Variants in MSTO1 observed in about 807,000 individuals in gnomAD.
MSTO1 encodes the protein misato mitochondrial distribution and morphology regulator 1, also known as protein misato homolog 1.
MSTO1 carries 24 observed loss-of-function variants against 55.7 expected under a neutral mutation model. The observed-to-expected ratio is 0.43, with a 90% confidence interval of 0.31 to 0.61. MSTO1 has a LOEUF of 0.61. MSTO1 is among the 20% of genes least tolerant of loss of function. MSTO1 has a pLI of 0.09. For missense variants in MSTO1, 363 were observed against 625.7 expected, an observed-to-expected ratio of 0.58 and a Z score of 4.48; for synonymous variants, 162 against 252.8, an observed-to-expected ratio of 0.64 and a Z score of 3.41.
the MSTO1 span, chr1:155,590,703 G>C: frequency 1.3e-6 from 2 of 1,537,700 alleles, no homozygotes; most frequent in Non-Finnish European, 1.8e-6. Context: ...GTGACCCCCC[G>C]GAGGGGCAAG....
chr1:155,597,069 C>T, the MSTO1 span, among the ~76,000 whole-genome samples: 6 of 151,256 alleles, frequency 4.0e-5, no homozygotes, highest in South Asian at 2.1e-4. Flanking sequence ...ATTGCACTAC[C>T]GCACTCCAGC....
In MSTO1 at chr1:155,610,559, G is replaced by C; in HGVS notation, c.219G>C (p.Lys73Asn). The C allele has an allele frequency of 1.1e-6, 1 of 936,622 alleles. No homozygotes were observed. The highest frequency in any genetic ancestry group is 1.6e-6 in the Non-Finnish European group (1 of 641,236). The allele number at this position is 936,622 out of a possible 1,614,324, so 58.0% of individuals were successfully genotyped here. Residue 73 changes from lysine (K) to asparagine (N), a missense_variant and splice_region_variant, in exon 2 of 14, where the codon AAG (lysine) becomes AAC (asparagine). Coordinates refer to ENST00000245564, the MANE Select transcript of MSTO1 (RefSeq NM_018116.4). ...YTPRLILMDL[K>N]GSLSSLKEEG... ...CGCGACTCATCCTCATGGATCTGAAGGGTGAGGTGGTGGCAGAGTTAGCCG... is the reference window on the plus strand; with the variant it reads ...CGCGACTCATCCTCATGGATCTGAACGGTGAGGTGGTGGCAGAGTTAGCCG...
chr1:155,603,751 G>A, the MSTO1 span, among the ~76,000 whole-genome samples: 1 of 151,652 alleles, frequency 6.6e-6, no homozygotes, highest in Non-Finnish European at 1.5e-5. Flanking sequence ...CCAGCTACTA[G>A]GGAGGCTGAG....
chr1:155,609,480 C>A (rs113236463), upstream of MSTO1, among the ~76,000 whole-genome samples: 1 of 149,440 alleles, frequency 6.7e-6, no homozygotes, highest in African/African-American at 2.5e-5. Flanking sequence ...GATCTCTTGA[C>A]CTCGTGATCT....
At chr1:155,598,902 A>G in the MSTO1 span, 5 of 1,451,750 alleles carry the variant, frequency 3.4e-6, no homozygotes, top group Middle Eastern at 8.9e-4. Context: ...GGCTGATACT[A>G]CGTATTCCAG....
upstream of MSTO1, among the ~76,000 whole-genome samples, chr1:155,609,135 G>C (rs923583546): frequency 2.1e-5 from 3 of 141,246 alleles, no homozygotes; most frequent in African/African-American, 7.9e-5. Flanking sequence ...CCCTTGCCTT[G>C]TTTCTAAATA....
chr1:155,593,785 A>G, the MSTO1 span, among the ~76,000 whole-genome samples: 358 of 152,114 alleles, frequency 2.4e-3, 1 homozygote, highest in African/African-American at 8.2e-3. Context: ...TGGCTAACAC[A>G]GTGAAACCCT....
chr1:155,570,062 T>A, the MSTO1 span, among the ~76,000 whole-genome samples: 1 of 152,202 alleles, frequency 6.6e-6, no homozygotes. Flanking sequence ...TTTTCATTTT[T>A]ATGCATCTCC....
At chr1:155,579,857 A>G in the MSTO1 span, among the ~76,000 whole-genome samples, 1 of 152,064 alleles carries the variant, frequency 6.6e-6, no homozygotes, top group Admixed American at 6.5e-5. Context: ...CAGGCAGATC[A>G]CTTGAGGTTG....
the MSTO1 span, among the ~76,000 whole-genome samples, chr1:155,599,887 A>G: frequency 6.6e-6 from 1 of 152,372 alleles, no homozygotes; most frequent in South Asian, 2.1e-4. Context: ...TGCTTTACAA[A>G]GCAGTATTGC....
At chr1:155,604,701 C>G in the MSTO1 span, among the ~76,000 whole-genome samples, 1 of 151,696 alleles carries the variant, frequency 6.6e-6, no homozygotes, top group Non-Finnish European at 1.5e-5. Flanking sequence ...CATGGTGAAA[C>G]CTCATCTCTA....
chr1:155,567,368 G>C, the MSTO1 span, among the ~76,000 whole-genome samples: 4 of 143,954 alleles, frequency 2.8e-5, no homozygotes, highest in African/African-American at 1.0e-4. Flanking sequence ...CGGGAGTGCT[G>C]TGGCGCGATC....
At chr1:155,600,683 G>A in the MSTO1 span, among the ~76,000 whole-genome samples, 1,234 of 152,256 alleles carry the variant, frequency 8.1e-3, 8 homozygotes, top group Non-Finnish European at 0.011. Flanking sequence ...CAGTAGCTGG[G>A]ATTACAGGCA....
At chr1:155,582,693 C>T in the MSTO1 span, among the ~76,000 whole-genome samples, 47,260 of 151,716 alleles carry the variant, frequency 0.31, 7,841 homozygotes, top group East Asian at 0.72. Context: ...ACTCCTGACC[C>T]CGTGATCCAC....
the MSTO1 span, among the ~76,000 whole-genome samples, chr1:155,574,187 A>G: frequency 1.3e-5 from 2 of 152,142 alleles, no homozygotes; most frequent in South Asian, 4.1e-4. Flanking sequence ...GTGAAACCCC[A>G]TCTCAACAAA....
the MSTO1 span, among the ~76,000 whole-genome samples, chr1:155,575,597 C>T: frequency 2.0e-5 from 3 of 151,858 alleles, no homozygotes; most frequent in East Asian, 1.9e-4. Flanking sequence ...GGCACGCCAC[C>T]GCACCTGGCT....
the MSTO1 span, among the ~76,000 whole-genome samples, chr1:155,572,217 C>T: frequency 3.3e-5 from 5 of 152,062 alleles, no homozygotes; most frequent in South Asian, 2.1e-4. Context: ...TCTACTCACT[C>T]GATGCCAATA....
the MSTO1 span, among the ~76,000 whole-genome samples, chr1:155,595,902 G>A: frequency 1.3e-5 from 2 of 152,026 alleles, no homozygotes; most frequent in Admixed American, 6.6e-5. Context: ...AGTGAATTTT[G>A]TCTGCAGAAG....
the MSTO1 span, among the ~76,000 whole-genome samples, chr1:155,590,012 C>T: frequency 1.8e-3 from 184 of 104,452 alleles, 1 homozygote; most frequent in African/African-American, 6.4e-3. Context: ...GGGGGTGAGG[C>T]GGGGCGGGCA....
Sources: gnomAD v4.1 joint callset for allele counts (sites outside exome capture counted in the v4.1 genomes callset) on GRCh38, gnomAD v4.1.1 for gene constraint, MANE v1.5 for transcripts, NCBI Gene and HGNC (gene_info 2026-07-23, HGNC 2026-07-21) for gene names.